MEI4: variants seen among roughly 807,000 people sequenced by gnomAD.
MEI4 encodes meiotic double-stranded break formation protein 4.
MEI4 carries 27 observed loss-of-function variants against 31.4 expected under a neutral mutation model. The observed-to-expected ratio is 0.86, with a 90% CI of 0.63 to 1.19. The LOEUF (loss-of-function observed/expected upper bound fraction) is 1.19. Ranked by LOEUF, MEI4 falls within the 50% of genes most tolerant of loss-of-function variation. The pLI is 0.00. For synonymous variants in MEI4, 122 were observed against 145.4 expected (o/e 0.84, Z 1.16); for missense variants, 329 against 398.9 (o/e 0.82, Z 1.49).
chr6:77,701,982 T>C (rs9352514), intron 2 of MEI4, among the ~76,000 whole-genome samples: 2,882 of 152,258 alleles, frequency 0.019, 65 homozygotes, highest in East Asian at 0.088. Flanking sequence ...TCACTCTTCT[T>C]TTCTGCCTTA....
intron 3 of MEI4, among the ~76,000 whole-genome samples, chr6:77,783,158 C>G (rs182073928): frequency 6.6e-6 from 1 of 152,204 alleles, no homozygotes; most frequent in East Asian, 1.9e-4. Context: ...GCCTTTCTGC[C>G]TTTTATTTCC....
intron 2 of MEI4, among the ~76,000 whole-genome samples, chr6:77,739,729 T>TAAA (rs571704986): frequency 3.4e-5 from 5 of 147,782 alleles, no homozygotes; most frequent in African/African-American, 1.2e-4. Flanking sequence ...AACTTAGAAT[T>TAAA]AAAAAAAAAA....
At chr6:77,905,231 A>G (rs1423981037) in intron 4 of MEI4, among the ~76,000 whole-genome samples, 1 of 151,918 alleles carries the variant, frequency 6.6e-6, no homozygotes, top group Non-Finnish European at 1.5e-5. Context: ...GGCATTTTGT[A>G]TACATCATCT....
At chr6:77,885,353 T>C (rs530940109) in intron 4 of MEI4, among the ~76,000 whole-genome samples, 44 of 151,950 alleles carry the variant, frequency 2.9e-4, no homozygotes, top group Non-Finnish European at 3.4e-4. Context: ...GCCCAGCTAA[T>C]TTTTATTTTT....
chr6:77,902,905 T>G (rs570762353), intron 4 of MEI4, among the ~76,000 whole-genome samples: 1 of 152,118 alleles, frequency 6.6e-6, no homozygotes, highest in East Asian at 1.9e-4. Context: ...CTCGGGCACA[T>G]GTCATCAGGA....
At chr6:77,768,517 T>C (rs1768230091) in intron 3 of MEI4, among the ~76,000 whole-genome samples, 1 of 152,038 alleles carries the variant, frequency 6.6e-6, no homozygotes, top group African/African-American at 2.4e-5. Context: ...CTGGCCAACG[T>C]GGGAAAACCC....
intron 3 of MEI4, among the ~76,000 whole-genome samples, chr6:77,767,068 T>C (rs1768194111): frequency 6.6e-6 from 1 of 152,094 alleles, no homozygotes; most frequent in Non-Finnish European, 1.5e-5. Flanking sequence ...ATTTCATCCT[T>C]GCTTATAGCT....
At chr6:77,680,057 T>A (rs960048376) in intron 1 of MEI4, among the ~76,000 whole-genome samples, 6 of 144,296 alleles carry the variant, frequency 4.2e-5, no homozygotes, top group Admixed American at 1.4e-4. Flanking sequence ...TGTATTTTTT[T>A]AAAAATGGTC....
intron 2 of MEI4, among the ~76,000 whole-genome samples, chr6:77,730,926 T>C (rs959352150): frequency 6.6e-5 from 10 of 151,736 alleles, no homozygotes; most frequent in Admixed American, 3.9e-4. Flanking sequence ...TGATTTCCAA[T>C]TTCATCCATG....
chr6:77,716,552 T>G (rs1766585852), intron 2 of MEI4, among the ~76,000 whole-genome samples: 1 of 152,038 alleles, frequency 6.6e-6, no homozygotes, highest in Non-Finnish European at 1.5e-5. Context: ...GCTGAATGTG[T>G]GGAGTCCAGT....
At chr6:77,880,515 T>C (rs2127728405) in intron 4 of MEI4, among the ~76,000 whole-genome samples, 1 of 152,346 alleles carries the variant, frequency 6.6e-6, no homozygotes, top group South Asian at 2.1e-4. Context: ...TTTTTAATGA[T>C]AAATTTTGGG....
At chr6:77,657,803 C>T (rs1768425473) in intron 1 of MEI4, among the ~76,000 whole-genome samples, 1 of 152,182 alleles carries the variant, frequency 6.6e-6, no homozygotes, top group South Asian at 2.1e-4. Context: ...CTGCTCTGTT[C>T]ACCCCATTTG....
chr6:77,659,153 C>A (rs1207575531), intron 1 of MEI4, among the ~76,000 whole-genome samples: 2 of 152,010 alleles, frequency 1.3e-5, no homozygotes, highest in African/African-American at 4.8e-5. Context: ...ATTCCAGTAC[C>A]GAGAGCAATA....
At chr6:77,797,128 G>A (rs939416219) in intron 3 of MEI4, among the ~76,000 whole-genome samples, 1 of 152,086 alleles carries the variant, frequency 6.6e-6, no homozygotes, top group African/African-American at 2.4e-5. Context: ...GGGAAAATTG[G>A]ATATCCACAT....
At chr6:77,745,229 C>G (rs1464553645) in intron 2 of MEI4, among the ~76,000 whole-genome samples, 1 of 152,154 alleles carries the variant, frequency 6.6e-6, no homozygotes, top group Non-Finnish European at 1.5e-5. Flanking sequence ...AAACCCATCT[C>G]ACGTGCAGAG....
chr6:77,734,636 C>A (rs1767125651), intron 2 of MEI4, among the ~76,000 whole-genome samples: 1 of 151,870 alleles, frequency 6.6e-6, no homozygotes, highest in Non-Finnish European at 1.5e-5. Flanking sequence ...AGTCCATTTA[C>A]ATTTAAAGTT....
At chr6:77,742,717 A>T (rs898183904) in intron 2 of MEI4, among the ~76,000 whole-genome samples, 2 of 152,116 alleles carry the variant, frequency 1.3e-5, no homozygotes, top group African/African-American at 4.8e-5. Flanking sequence ...CTGAATGGTA[A>T]TGCCTAGGTT....
intron 4 of MEI4, among the ~76,000 whole-genome samples, chr6:77,831,315 G>A (rs1002183179): frequency 1.3e-5 from 2 of 151,860 alleles, no homozygotes; most frequent in Admixed American, 1.3e-4. Context: ...ATGTAAAGTA[G>A]TATAACCATT....
rs530295816 is a variant in MEI4, at chr6:77,782,447, C to T, written c.768+20782C>T. Among the ~76,000 whole-genome samples, 4 of 152,226 alleles carry T rather than the reference C, an allele frequency of 2.6e-5. No homozygotes were observed. In the East Asian group the frequency reaches 7.7e-4, roughly 29 times the overall value. On this transcript the variant is annotated intron_variant, in intron 3 of 4. Coordinates refer to ENST00000684080, the MANE Select transcript of MEI4 (RefSeq NM_001322247.2). ...TAAGATACAGCATTCAATAAATTTT[C>T]ATTTACTCAGTTTTGCCTGAAATTC...
Sources: allele counts gnomAD v4.1 joint callset (sites outside exome capture counted in the v4.1 genomes callset), GRCh38; gene constraint gnomAD v4.1.1; transcripts MANE v1.5; gene names NCBI Gene and HGNC (gene_info 2026-07-23, HGNC 2026-07-21).